The following LRP1B variants were observed in gnomAD, a reference collection of about 807,000 sequenced individuals.
LRP1B encodes LDL receptor related protein 1B.
Under a neutral mutation model 556.6 loss-of-function variants are expected in LRP1B, and 217 were observed. The ratio of observed to expected loss-of-function variants is 0.39; its 90% CI spans 0.35 to 0.44. The LOEUF (loss-of-function observed/expected upper bound fraction) is 0.44, where lower values mean the gene tolerates loss of function less well. Ranked by LOEUF, LRP1B falls within the 20% of genes least tolerant of loss-of-function variation. LRP1B has a pLI of 1.00. For missense variants in LRP1B, 5,053 were observed against 5,620.8 expected (o/e 0.90, Z 3.23); for synonymous variants, 2,047 against 1,865.8 (o/e 1.10, Z -2.50).
chr2:140,924,442 T>C (rs2105261135), intron 20 of LRP1B, among the ~76,000 whole-genome samples: 1 of 152,206 alleles, frequency 6.6e-6, no homozygotes, highest in East Asian at 1.9e-4. Context: ...CGTTCAGCAA[T>C]TATAATCTGT....
At chr2:141,320,027 G>A (rs1358123267) in intron 3 of LRP1B, among the ~76,000 whole-genome samples, 4 of 152,034 alleles carry the variant, frequency 2.6e-5, no homozygotes, top group Non-Finnish European at 5.9e-5. Flanking sequence ...CAGTAGATTT[G>A]GCATGGAGCC....
At chr2:141,003,865 C>A (rs920925484) in intron 15 of LRP1B, among the ~76,000 whole-genome samples, 3 of 151,988 alleles carry the variant, frequency 2.0e-5, no homozygotes, top group Non-Finnish European at 4.4e-5. Flanking sequence ...CTCAATCTTA[C>A]CTACAATTAT....
In LRP1B at chr2:141,722,232, G is replaced by A. The variant is rs552663743; in HGVS notation, c.205+88047C>T. Among the ~76,000 whole-genome samples, 16 of 152,168 alleles carry A rather than the reference G, an allele frequency of 1.1e-4. No individual in the cohort carries two copies. The South Asian group carries it at 1.5e-3, about 14-fold the overall frequency. On this transcript the variant is annotated intron_variant, in intron 2 of 90. Coordinates refer to ENST00000389484, the MANE Select transcript of LRP1B (RefSeq NM_018557.3). ...ATCTCTATTAAAAATACAAAAATTAGGTGGGCATGGTGGTGGGCACCTGTA... is the reference window on the plus strand; with the variant it reads ...ATCTCTATTAAAAATACAAAAATTAAGTGGGCATGGTGGTGGGCACCTGTA...
At chr2:141,323,214 T>A (rs1291617603) in intron 3 of LRP1B, among the ~76,000 whole-genome samples, 1 of 152,068 alleles carries the variant, frequency 6.6e-6, no homozygotes, top group African/African-American at 2.4e-5. Flanking sequence ...CCTATATTTT[T>A]CCACCTTAAA....
At chr2:140,245,727 A>AT (rs1156847975) in intron 87 of LRP1B, among the ~76,000 whole-genome samples, 7 of 151,278 alleles carry the variant, frequency 4.6e-5, no homozygotes, top group Non-Finnish European at 1.0e-4. Context: ...GAGATAAAGT[A>AT]TTTTTTCTTT....
At chr2:140,318,455 A>G (rs993711112) in intron 82 of LRP1B, among the ~76,000 whole-genome samples, 1 of 152,154 alleles carries the variant, frequency 6.6e-6, no homozygotes, top group African/African-American at 2.4e-5. Context: ...TAAATAAGCA[A>G]GATTCCTTCT....
chr2:141,002,059 T>C (rs1697441566), intron 15 of LRP1B, among the ~76,000 whole-genome samples: 1 of 152,108 alleles, frequency 6.6e-6, no homozygotes, highest in South Asian at 2.1e-4. Context: ...TGGATCTTGA[T>C]AGGTTTCTTT....
At chr2:140,823,976 A>C (rs113362364) in intron 31 of LRP1B, among the ~76,000 whole-genome samples, 2,012 of 152,052 alleles carry the variant, frequency 0.013, 24 homozygotes, top group Middle Eastern at 0.034. Flanking sequence ...AGCAGAAAAA[A>C]ATAGCTATTA....
intron 35 of LRP1B, among the ~76,000 whole-genome samples, chr2:140,765,527 G>A (rs990942072): frequency 6.6e-6 from 1 of 152,116 alleles, no homozygotes. Flanking sequence ...ATATCACCCA[G>A]CAGGCAAGGA....
intron 3 of LRP1B, among the ~76,000 whole-genome samples, chr2:141,347,376 G>A (rs777503037): frequency 6.6e-6 from 1 of 151,952 alleles, no homozygotes; most frequent in Non-Finnish European, 1.5e-5. Flanking sequence ...AACAGAGCGG[G>A]TACTTCATCC....
intron 43 of LRP1B, among the ~76,000 whole-genome samples, chr2:140,596,536 T>C (rs1682447723): frequency 6.6e-6 from 1 of 152,196 alleles, no homozygotes; most frequent in Non-Finnish European, 1.5e-5. Context: ...TCATATTCAG[T>C]AATGAATTGA....
intron 79 of LRP1B, among the ~76,000 whole-genome samples, chr2:140,331,928 C>A (rs1680839112): frequency 6.6e-6 from 1 of 151,838 alleles, no homozygotes; most frequent in African/African-American, 2.4e-5. Context: ...AACTCCTGAC[C>A]TCAGGTGATC....
At chr2:142,111,559 G>C (rs911645946) in intron 1 of LRP1B, among the ~76,000 whole-genome samples, 1 of 152,054 alleles carries the variant, frequency 6.6e-6, no homozygotes, top group African/African-American at 2.4e-5. Context: ...TTCTTTATTG[G>C]ATTTTTATAA....
intron 18 of LRP1B, among the ~76,000 whole-genome samples, chr2:140,972,124 A>T (rs1696444065): frequency 6.6e-6 from 1 of 152,178 alleles, no homozygotes; most frequent in Non-Finnish European, 1.5e-5. Context: ...TTAGTCAGGT[A>T]TTTACAAAAC....
At chr2:141,406,660 A>G (rs767403336) in intron 3 of LRP1B, among the ~76,000 whole-genome samples, 58 of 151,964 alleles carry the variant, frequency 3.8e-4, no homozygotes, top group Non-Finnish European at 2.6e-4. Flanking sequence ...CCAAAGTATT[A>G]TAAGTAGCAA....
At chr2:141,090,984 T>C (rs1222608002) in intron 7 of LRP1B, among the ~76,000 whole-genome samples, 1 of 152,202 alleles carries the variant, frequency 6.6e-6, no homozygotes, top group East Asian at 1.9e-4. Context: ...TAGTTTCTGA[T>C]AACATTAATT....
intron 2 of LRP1B, among the ~76,000 whole-genome samples, chr2:141,721,669 A>T (rs1339570245): frequency 6.6e-6 from 1 of 152,198 alleles, no homozygotes; most frequent in Non-Finnish European, 1.5e-5. Flanking sequence ...TTTGTTCTTC[A>T]GGAAGATTAA....
At position 141,464,606 on chromosome 2, in the gene LRP1B, A is replaced by ATATATATTTTTTTTTTTTTTTTTT; in HGVS notation, c.343+15789_343+15790insAAAAAAAAAAAAAAAAAATATATA. On this transcript the variant is annotated intron_variant, in intron 3 of 90. Transcript: ENST00000389484. ...TTTGTATATATATATATATATATAT[A>ATATATATTTTTTTTTTTTTTTTTT]TTTTTTTAGTAGAGATGGGGTTTCA... 4.4e-5 allele frequency among the ~76,000 whole-genome samples: 4 copies of ATATATATTTTTTTTTTTTTTTTTT among 90,544 alleles called. No homozygotes were observed. The South Asian group carries it at 9.7e-4, about 22-fold the overall frequency. 59.4% of individuals were successfully genotyped at this position (90,544 alleles called of 152,430 possible). A position where few individuals can be genotyped will look rare whatever the true frequency, so the allele number is the denominator to read the frequency against.
At chr2:142,016,093 C>T (rs567095427) in intron 1 of LRP1B, among the ~76,000 whole-genome samples, 2 of 150,474 alleles carry the variant, frequency 1.3e-5, no homozygotes, top group South Asian at 4.2e-4. Context: ...CTCATCATCA[C>T]TGGTCATTAG....
Sources: gnomAD v4.1 joint callset for allele counts (sites outside exome capture counted in the v4.1 genomes callset) on GRCh38, gnomAD v4.1.1 for gene constraint, MANE v1.5 for transcripts, NCBI Gene and HGNC (gene_info 2026-07-23, HGNC 2026-07-21) for gene names.